Variants in RGS7 observed in about 807,000 individuals in gnomAD.
RGS7 encodes the protein regulator of G protein signaling 7.
Under a neutral mutation model 81.1 loss-of-function variants are expected in RGS7, and 27 were observed. The ratio of observed to expected loss-of-function variants is 0.33; its 90% confidence interval spans 0.25 to 0.46. The LOEUF is 0.46. Among genes scored for constraint, RGS7 ranks in the 20% least tolerant of loss-of-function variants. The pLI, the probability that RGS7 is intolerant of heterozygous loss-of-function variation, is 1.00. For missense variants in RGS7, 396 were observed against 607.4 expected (o/e 0.65, Z 3.66); for synonymous variants, 208 against 207.7 (o/e 1.00, Z -0.01).
At chr1:241,353,139 T>G (rs1481053919) in intron 2 of RGS7, among the ~76,000 whole-genome samples, 1 of 152,230 alleles carries the variant, frequency 6.6e-6, no homozygotes, top group Non-Finnish European at 1.5e-5. Context: ...AACTGAACTT[T>G]TTTTCTAAGT....
chr1:240,991,368 G>A lies in RGS7; in HGVS notation c.176-8239C>T, dbSNP rs138318826. ...GATGACAATAATGAGGAGATAAAAG[G>A]TAATGGAGACCACCCTCAGGATTAT... On this transcript the variant is annotated intron_variant, in intron 3 of 18. Coordinates refer to ENST00000440928, the MANE Select transcript of RGS7 (RefSeq NM_001364886.1). Among the ~76,000 whole-genome samples the A allele has an allele frequency of 3.3e-4, 50 of 152,278 alleles. No homozygotes were observed. The East Asian group carries it at 9.3e-3, about 28-fold the overall frequency.
At chr1:241,000,269 C>T (rs186804566) in intron 3 of RGS7, among the ~76,000 whole-genome samples, 2 of 151,822 alleles carry the variant, frequency 1.3e-5, no homozygotes, top group African/African-American at 4.8e-5. Context: ...AGGGATGGGG[C>T]GGGGTGAGGG....
chr1:241,060,761 G>T (rs1048539431), intron 3 of RGS7, among the ~76,000 whole-genome samples: 6 of 152,162 alleles, frequency 3.9e-5, no homozygotes, highest in Non-Finnish European at 7.3e-5. Flanking sequence ...ACCTTGGCCT[G>T]GGAATTTCCA....
chr1:240,786,327 T>C (rs1011592074), intron 18 of RGS7, among the ~76,000 whole-genome samples: 4 of 152,202 alleles, frequency 2.6e-5, no homozygotes, highest in Non-Finnish European at 5.9e-5. Context: ...TACTATGTCA[T>C]ATTCTGAATA....
chr1:241,207,577 T>C (rs1475205026), intron 2 of RGS7, among the ~76,000 whole-genome samples: 1 of 152,024 alleles, frequency 6.6e-6, no homozygotes, highest in Admixed American at 6.6e-5. Flanking sequence ...AAAGAAAATT[T>C]CAGGCTGTAA....
chr1:241,048,279 G>A (rs2061054953), intron 3 of RGS7, among the ~76,000 whole-genome samples: 1 of 152,040 alleles, frequency 6.6e-6, no homozygotes, highest in African/African-American at 2.4e-5. Flanking sequence ...GCCTAATGAG[G>A]CACAGAAATA....
chr1:241,065,006 C>T (rs1260103799), intron 3 of RGS7, among the ~76,000 whole-genome samples: 2 of 151,964 alleles, frequency 1.3e-5, no homozygotes, highest in African/African-American at 4.8e-5. Flanking sequence ...GACTCTTTAG[C>T]TGCCTCATCA....
chr1:241,168,197 T>C (rs929309843), intron 2 of RGS7, among the ~76,000 whole-genome samples: 2 of 152,032 alleles, frequency 1.3e-5, no homozygotes, highest in Non-Finnish European at 2.9e-5. Flanking sequence ...AGAAAGAGGA[T>C]GGGGGTATAG....
At chr1:241,253,406 A>C (rs1363466390) in intron 2 of RGS7, among the ~76,000 whole-genome samples, 1 of 152,110 alleles carries the variant, frequency 6.6e-6, no homozygotes, top group Non-Finnish European at 1.5e-5. Flanking sequence ...TTCCTTCTTG[A>C]GGGCTCCCAG....
At chr1:241,327,654 A>G (rs2081684462) in intron 2 of RGS7, among the ~76,000 whole-genome samples, 1 of 152,220 alleles carries the variant, frequency 6.6e-6, no homozygotes, top group South Asian at 2.1e-4. Flanking sequence ...CTACACTGAT[A>G]ATAGTTTTCA....
At chr1:241,345,753 C>T (rs376387916) in intron 2 of RGS7, among the ~76,000 whole-genome samples, 60 of 152,110 alleles carry the variant, frequency 3.9e-4, no homozygotes, top group African/African-American at 1.3e-3. Context: ...TAAGGCCAGG[C>T]GCACCTGTAA....
chr1:240,788,638 G>A (rs566310347), intron 18 of RGS7, among the ~76,000 whole-genome samples: 14 of 152,324 alleles, frequency 9.2e-5, no homozygotes, highest in East Asian at 3.9e-4. Flanking sequence ...TGAGAACTGC[G>A]GATGTTTAGT....
chr1:241,100,716 G>A (rs916200098), intron 2 of RGS7, among the ~76,000 whole-genome samples: 1 of 152,212 alleles, frequency 6.6e-6, no homozygotes, highest in Non-Finnish European at 1.5e-5. Flanking sequence ...GGCCTAGGGT[G>A]GGGTAAAGTA....
intron 3 of RGS7, among the ~76,000 whole-genome samples, chr1:241,091,587 A>AAATAAATAAAT (rs2063883749): frequency 6.6e-6 from 1 of 150,580 alleles, no homozygotes; most frequent in African/African-American, 2.4e-5. Flanking sequence ...ATAAATAAAT[A>AAATAAATAAAT]AATAAATAAA....
chr1:240,838,768 T>C lies in RGS7; in HGVS notation c.610-11596A>G, dbSNP rs182217357. On this transcript the variant is annotated intron_variant, in intron 9 of 18. Transcript: ENST00000440928. ...ATTTGAGGACAATGCTTATTTTTTA[T>C]TATTTTTTTTTTTTTTGAGACAGAG... Among the ~76,000 whole-genome samples the C allele has an allele frequency of 1.1e-4, 17 of 151,120 alleles. No individual in the cohort carries two copies. The East Asian group carries it at 2.7e-3, about 24-fold the overall frequency.
intron 3 of RGS7, among the ~76,000 whole-genome samples, chr1:241,064,289 T>A (rs2061922641): frequency 6.6e-6 from 1 of 151,340 alleles, no homozygotes; most frequent in South Asian, 2.1e-4. Context: ...AAGTACCTAT[T>A]TAAAATGCAG....
At chr1:240,831,496 G>T (rs1451266627) in intron 9 of RGS7, among the ~76,000 whole-genome samples, 1 of 152,100 alleles carries the variant, frequency 6.6e-6, no homozygotes, top group African/African-American at 2.4e-5. Flanking sequence ...CAGAAATGAA[G>T]GCACGAGCCC....
intron 3 of RGS7, among the ~76,000 whole-genome samples, chr1:241,031,521 G>A (rs1251344931): frequency 1.3e-5 from 2 of 152,092 alleles, no homozygotes. Context: ...TCAAATGGTA[G>A]TTTTATTTTT....
rs184589945 is a variant in RGS7 at position 241,128,146 on chromosome 1, G to A, written c.79-29384C>T. On this transcript the variant is annotated intron_variant, in intron 2 of 18. Transcript: ENST00000440928. Reference sequence around the variant, plus strand: ...ACAAAAAATTAGCCGGGCGTGTGGCGGGCGCCTTTAGTCCCAGCTACTAGG... The same window carrying A: ...ACAAAAAATTAGCCGGGCGTGTGGCAGGCGCCTTTAGTCCCAGCTACTAGG... 1.7e-4 allele frequency among the ~76,000 whole-genome samples: 26 copies of A among 152,006 alleles called. No homozygotes were observed. The East Asian group carries it at 3.7e-3, about 22-fold the overall frequency.
Sources: gnomAD v4.1 joint callset for allele counts (sites outside exome capture counted in the v4.1 genomes callset) on GRCh38, gnomAD v4.1.1 for gene constraint, MANE v1.5 for transcripts, NCBI Gene and HGNC (gene_info 2026-07-23, HGNC 2026-07-21) for gene names.